OTUD7A: variants seen among roughly 807,000 people sequenced by gnomAD.
OTUD7A encodes OTU domain-containing protein 7A.
OTUD7A carries 12 observed loss-of-function variants against 65.7 expected under a neutral mutation model. The observed-to-expected ratio is 0.18, with a 90% CI of 0.12 to 0.30. The LOEUF (loss-of-function observed/expected upper bound fraction) is 0.30. Among genes scored for constraint, OTUD7A ranks in the 10% least tolerant of loss-of-function variants. The pLI is 1.00. For synonymous variants in OTUD7A, 641 were observed against 586.3 expected (o/e 1.09, Z -1.35); for missense variants, 1,148 against 1,304.8 (o/e 0.88, Z 1.85).
At chr15:31,777,531 G>GCA (rs1555416295) in intron 1 of OTUD7A, among the ~76,000 whole-genome samples, 1 of 152,138 alleles carries the variant, frequency 6.6e-6, no homozygotes, top group Non-Finnish European at 1.5e-5. Flanking sequence ...GAAAATGGAG[G>GCA]GGTCCTCCTT....
rs564696593 is a variant in OTUD7A, at chr15:31,694,417, C to CG, written c.-99-37341dup. On this transcript the variant is annotated intron_variant, in intron 1 of 12. Coordinates refer to ENST00000307050, the MANE Select transcript of OTUD7A (RefSeq NM_001382637.1). ...CAGATCCCCTCAAGCCCCCTTCCCC[C>CG]GGGAAACCTTTGCTCATCATTCAAC... is the stretch of plus-strand genomic sequence containing the variant. Among the ~76,000 whole-genome samples the CG allele has an allele frequency of 1.8e-4, 28 of 152,314 alleles. No homozygotes were observed. The East Asian group carries it at 5.2e-3, about 28-fold the overall frequency.
At chr15:31,497,038 A>G (rs1055217497) in intron 10 of OTUD7A, among the ~76,000 whole-genome samples, 1 of 151,916 alleles carries the variant, frequency 6.6e-6, no homozygotes, top group African/African-American at 2.4e-5. Flanking sequence ...CTCTCTGTTC[A>G]CACCAGCATC....
chr15:31,701,123 T>G (rs1893204056), intron 1 of OTUD7A, among the ~76,000 whole-genome samples: 1 of 152,170 alleles, frequency 6.6e-6, no homozygotes, highest in South Asian at 2.1e-4. Context: ...TGTCGCAGAT[T>G]AAAAGCGACT....
At chr15:31,868,634 G>A (rs56791637) in intron 1 of OTUD7A, among the ~76,000 whole-genome samples, 5,442 of 152,180 alleles carry the variant, frequency 0.036, 352 homozygotes, top group African/African-American at 0.12. Flanking sequence ...GCACCATCAG[G>A]AGGTCAGAGG....
At chr15:31,572,964 AG>A (rs1407296822) in intron 3 of OTUD7A, among the ~76,000 whole-genome samples, 3 of 152,176 alleles carry the variant, frequency 2.0e-5, no homozygotes, top group African/African-American at 7.2e-5. Context: ...GGAAAAAAAA[AG>A]AATTTAAAGA....
At chr15:31,860,624 T>TAAATATACATATATATATATAC (rs1336445273) in intron 1 of OTUD7A, among the ~76,000 whole-genome samples, 1 of 23,512 alleles carries the variant, frequency 4.3e-5, no homozygotes, top group South Asian at 1.3e-3. Flanking sequence ...GAAGTGGAGA[T>TAAATATACATATATATATATAC]ATATATATAT....
At chr15:31,664,405 T>C (rs1471398098) in intron 1 of OTUD7A, among the ~76,000 whole-genome samples, 1 of 152,148 alleles carries the variant, frequency 6.6e-6, no homozygotes, top group African/African-American at 2.4e-5. Context: ...TGATTTCCAT[T>C]TCCCTGACCA....
chr15:31,766,737 A>G (rs1246139269), intron 1 of OTUD7A: 1 of 1,611,412 alleles, frequency 6.2e-7, no homozygotes, highest in Non-Finnish European at 8.5e-7. Context: ...TTCTCTTAAA[A>G]CCAGCACTGA....
At chr15:31,867,725 G>C (rs989625369) in intron 1 of OTUD7A, among the ~76,000 whole-genome samples, 2 of 152,192 alleles carry the variant, frequency 1.3e-5, no homozygotes, top group African/African-American at 4.8e-5. Flanking sequence ...AGTCTGAGAA[G>C]GCACTCAATC....
chr15:31,494,847 C>T (rs1025885498), intron 10 of OTUD7A, among the ~76,000 whole-genome samples: 3 of 152,354 alleles, frequency 2.0e-5, no homozygotes, highest in South Asian at 2.1e-4. Context: ...CTCCCAGCCC[C>T]TCTCAGAAGC....
chr15:31,502,481 G>C (rs1189708013), intron 9 of OTUD7A, among the ~76,000 whole-genome samples: 2 of 152,216 alleles, frequency 1.3e-5, no homozygotes, highest in Non-Finnish European at 2.9e-5. Flanking sequence ...TTTGGCCCTA[G>C]AGTGAGTGTA....
chr15:31,606,975 G>A (rs185870681), intron 3 of OTUD7A, among the ~76,000 whole-genome samples: 4 of 152,210 alleles, frequency 2.6e-5, no homozygotes, highest in Non-Finnish European at 1.5e-5. Flanking sequence ...GGGGAGTTTC[G>A]CTTCTGGAAA....
chr15:31,505,420 C>A (rs1421709563), intron 8 of OTUD7A, among the ~76,000 whole-genome samples: 1 of 152,098 alleles, frequency 6.6e-6, no homozygotes, highest in Non-Finnish European at 1.5e-5. Flanking sequence ...TTATGGCTAG[C>A]AGATATTTAA....
intron 1 of OTUD7A, among the ~76,000 whole-genome samples, chr15:31,657,583 G>A (rs1892030555): frequency 6.6e-6 from 1 of 150,408 alleles, no homozygotes; most frequent in Non-Finnish European, 1.5e-5. Flanking sequence ...GGATGGTCTC[G>A]ATCTCCTGAC....
At chr15:31,678,011 A>G (rs1478535252) in intron 1 of OTUD7A, among the ~76,000 whole-genome samples, 1 of 152,172 alleles carries the variant, frequency 6.6e-6, no homozygotes, top group Non-Finnish European at 1.5e-5. Context: ...TCTCAGATGG[A>G]GATGAGGAAC....
intron 8 of OTUD7A, among the ~76,000 whole-genome samples, chr15:31,510,205 G>C (rs2041663563): frequency 6.6e-6 from 1 of 151,766 alleles, no homozygotes; most frequent in South Asian, 2.1e-4. Flanking sequence ...GGCCATCACT[G>C]GCCCACAGGC....
At chr15:31,694,571 T>C (rs993697014) in intron 1 of OTUD7A, among the ~76,000 whole-genome samples, 1 of 152,234 alleles carries the variant, frequency 6.6e-6, no homozygotes, top group Non-Finnish European at 1.5e-5. Context: ...CTTGAACTTA[T>C]TTATCCTGCC....
intron 1 of OTUD7A, among the ~76,000 whole-genome samples, chr15:31,722,558 T>C (rs977405423): frequency 1.3e-5 from 2 of 152,240 alleles, no homozygotes; most frequent in African/African-American, 4.8e-5. Context: ...ATGGTGGCCC[T>C]GTCAGGGAGA....
At chr15:31,683,050 T>A (rs114548794) in intron 1 of OTUD7A, among the ~76,000 whole-genome samples, 259 of 152,280 alleles carry the variant, frequency 1.7e-3, no homozygotes, top group African/African-American at 5.9e-3. Flanking sequence ...GGAATCAAGA[T>A]AGTCAACGGC....
Sources: gnomAD v4.1 joint callset for allele counts (sites outside exome capture counted in the v4.1 genomes callset) on GRCh38, gnomAD v4.1.1 for gene constraint, MANE v1.5 for transcripts, NCBI Gene and HGNC (gene_info 2026-07-23, HGNC 2026-07-21) for gene names.